FREM2: variants seen among roughly 807,000 people sequenced by gnomAD.
The protein encoded by FREM2 is FRAS1 related extracellular matrix 2.
FREM2 carries 119 observed loss-of-function variants against 219.9 expected under a neutral mutation model. The observed-to-expected ratio is 0.54, with a 90% CI of 0.47 to 0.63. FREM2 has a LOEUF of 0.63. Ranked by LOEUF, FREM2 falls within the 30% of genes least tolerant of loss-of-function variation. The pLI is 0.00. For synonymous variants in FREM2, 1,562 were observed against 1,522.8 expected (o/e 1.03, Z -0.60); for missense variants, 4,030 against 3,993.6 (o/e 1.01, Z -0.25).
chr13:38,738,565 CAAAAAAAAA>C (rs71074478), intron 2 of FREM2, among the ~76,000 whole-genome samples: 6 of 48,476 alleles, frequency 1.2e-4, no homozygotes, highest in Admixed American at 2.4e-4. Context: ...GACTCCATCT[CAAAAAAAAA>C]AAAAAAAAAA....
At chr13:38,754,891 TGATG>T (rs1566129685) in intron 2 of FREM2, among the ~76,000 whole-genome samples, 5 of 118,450 alleles carry the variant, frequency 4.2e-5, no homozygotes, top group Middle Eastern at 4.0e-3. Flanking sequence ...ATGATGATGA[TGATG>T]ATGATGATTA....
intron 4 of FREM2, among the ~76,000 whole-genome samples, chr13:38,775,003 C>G (rs571324104): frequency 1.3e-5 from 2 of 152,060 alleles, no homozygotes; most frequent in Non-Finnish European, 2.9e-5. Context: ...GGGCCCATGG[C>G]AGGTTAATGC....
chr13:38,870,623 C>T (rs1878124992), intron 16 of FREM2, among the ~76,000 whole-genome samples: 1 of 152,144 alleles, frequency 6.6e-6, no homozygotes, highest in East Asian at 1.9e-4. Flanking sequence ...ATTTAGGCTC[C>T]AGTTCCTCCA....
rs1454767239 is a variant in FREM2, at chr13:38,690,583, G to A, written c.3239G>A (p.Gly1080Asp). Reference sequence around the variant, plus strand: ...GGTGAACAGTTGATAGTAATGGAAGGTGATAAAAGTGTTATAACATCAGTG... The same window carrying A: ...GGTGAACAGTTGATAGTAATGGAAGATGATAAAAGTGTTATAACATCAGTG... ...FVGEQLIVME[G>D]DKSVITSVHI... Residue 1080 changes from glycine (G) to aspartate (D), a missense_variant, in exon 1 of 24, where the codon GGT becomes GAT. Physicochemically the swap from Gly to Asp is moderately conservative, Grantham distance 94 (BLOSUM62 -1). Around this residue, in one of 2 missense-constraint regions of FREM2, gnomAD observed 3,102 missense variants for 2,950.7 expected, o/e 1.05. Coordinates refer to ENST00000280481, the MANE Select transcript of FREM2 (RefSeq NM_207361.6). 3 of 1,614,092 alleles carry A rather than the reference G, an allele frequency of 1.9e-6. No individual in the cohort carries two copies. The highest frequency in any genetic ancestry group is 2.5e-6 in the Non-Finnish European group (3 of 1,180,038).
intron 2 of FREM2, among the ~76,000 whole-genome samples, chr13:38,741,859 A>G (rs1478807370): frequency 2.6e-5 from 4 of 152,192 alleles, no homozygotes; most frequent in South Asian, 2.1e-4. Flanking sequence ...GTGTAAATCT[A>G]TGGCTTAAGT....
chr13:38,858,172 T>C, intron 13 of FREM2, 139 bp downstream of exon 13: 1 of 752,916 alleles, frequency 1.3e-6, no homozygotes. Context: ...GCTTTGCATA[T>C]ATAACACTAA....
chr13:38,840,084 A>G (rs1235841206), intron 6 of FREM2, among the ~76,000 whole-genome samples: 2 of 152,154 alleles, frequency 1.3e-5, no homozygotes, highest in Non-Finnish European at 2.9e-5. Context: ...CCCTGGTGGT[A>G]TAGGCACCCG....
In FREM2 at chr13:38,864,376, G is replaced by T; in HGVS notation, c.7753G>T (p.Asp2585Tyr). Reference protein sequence around the residue: ...VGNHKCSNLLDYTEVKTHYGF... With the variant: ...VGNHKCSNLLYYTEVKTHYGF... ...AAACCACAAGTGCTCCAACCTCCTG[G>T]ATTATACTGAAGTGAAGACTCATTA... Residue 2585 changes from aspartate (D) to tyrosine (Y), a missense_variant, in exon 16 of 24, where the codon GAT (aspartate) becomes TAT (tyrosine). This residue lies in a region of FREM2 where 928 missense variants were observed against 1,042.9 expected (regional missense o/e 0.89). Coordinates refer to ENST00000280481, the MANE Select transcript of FREM2 (RefSeq NM_207361.6). 6.2e-7 allele frequency: 1 copy of T among 1,614,138 alleles called. No individual in the cohort carries two copies. Among genetic ancestry groups the T allele is most frequent in the South Asian group, 1.1e-5 (1 of 91,088 alleles).
At chr13:38,823,718 G>A (rs538008982) in intron 6 of FREM2, among the ~76,000 whole-genome samples, 3 of 152,132 alleles carry the variant, frequency 2.0e-5, no homozygotes, top group Admixed American at 1.3e-4. Flanking sequence ...CACTTTCCAT[G>A]TGCAGGTAAA....
intron 4 of FREM2, among the ~76,000 whole-genome samples, chr13:38,774,337 C>T (rs185785409): frequency 1.2e-3 from 190 of 152,302 alleles, no homozygotes; most frequent in Admixed American, 2.5e-3. Flanking sequence ...GCTTATTAAA[C>T]ATCTACTCTA....
intron 6 of FREM2, among the ~76,000 whole-genome samples, chr13:38,815,711 C>T (rs997831475): frequency 6.6e-6 from 1 of 152,198 alleles, no homozygotes; most frequent in Non-Finnish European, 1.5e-5. Context: ...ATGAGGGACT[C>T]AGGCTGCTTT....
chr13:38,817,706 T>C (rs1243376917), intron 6 of FREM2, among the ~76,000 whole-genome samples: 1 of 152,046 alleles, frequency 6.6e-6, no homozygotes, highest in Non-Finnish European at 1.5e-5. Flanking sequence ...AATAGGCATA[T>C]AGGATTATAT....
At chr13:38,775,092 T>C (rs1873817225) in intron 4 of FREM2, among the ~76,000 whole-genome samples, 1 of 152,208 alleles carries the variant, frequency 6.6e-6, no homozygotes, top group South Asian at 2.1e-4. Context: ...AAACCTAATA[T>C]TAATGAGTAC....
In FREM2 at chr13:38,715,927, A is replaced by G. The variant is rs143097369; in HGVS notation, c.5263+18140A>G. ...AATGAAAATTTGTCATAAATCATAA[A>G]GTGCTACATGACTATAAGTTATTTC... On this transcript the variant is annotated intron_variant, in intron 2 of 23. Transcript: ENST00000280481. Among the ~76,000 whole-genome samples, 572 of 152,294 alleles carry G rather than the reference A, an allele frequency of 3.8e-3. 2 individuals carry two copies. The highest frequency in any genetic ancestry group is 0.013 in the African/African-American group (551 of 41,562).
intron 2 of FREM2, among the ~76,000 whole-genome samples, chr13:38,757,213 A>T (rs1209874236): frequency 6.6e-6 from 1 of 152,182 alleles, no homozygotes; most frequent in Non-Finnish European, 1.5e-5. Context: ...TATACCTGGG[A>T]TGGGTATATA....
chr13:38,804,792 G>T (rs111918525), intron 6 of FREM2, among the ~76,000 whole-genome samples: 1,740 of 152,176 alleles, frequency 0.011, 16 homozygotes, highest in Middle Eastern at 0.054. Context: ...AGGCTTTTGG[G>T]CACAGTGAGC....
At chr13:38,807,713 T>A (rs1875305373) in intron 6 of FREM2, among the ~76,000 whole-genome samples, 1 of 151,946 alleles carries the variant, frequency 6.6e-6, no homozygotes, top group African/African-American at 2.4e-5. Context: ...ATGGTCAGCT[T>A]AAAATATTCA....
At position 38,690,812 on chromosome 13, in the gene FREM2, G is replaced by T. The variant is rs1869805284; in HGVS notation, c.3468G>T (p.Val1156=). 6.2e-7 allele frequency: 1 copy of T among 1,614,040 alleles called. No homozygotes were observed. Among genetic ancestry groups the T allele is most frequent in the African/African-American group, 1.3e-5 (1 of 74,926 alleles). The change falls in exon 1 of 24, where the codon GTG becomes GTT. Residue 1156 remains valine (V), a synonymous_variant. Transcript: ENST00000280481. ...INYVQSVHKG[V]EPVEDRFVFR... ...ATGTCCAGAGTGTCCATAAAGGGGT[G>T]GAACCTGTGGAGGACCGATTTGTAT...
intron 4 of FREM2, among the ~76,000 whole-genome samples, chr13:38,771,684 T>G (rs1873666574): frequency 6.6e-6 from 1 of 152,188 alleles, no homozygotes; most frequent in African/African-American, 2.4e-5. Context: ...TAGATAAAAT[T>G]CAGCCCTGTT....
Sources: allele counts gnomAD v4.1 joint callset (sites outside exome capture counted in the v4.1 genomes callset), GRCh38; gene constraint gnomAD v4.1.1; regional missense constraint gnomAD v4.1.1; transcripts MANE v1.5; gene names NCBI Gene and HGNC (gene_info 2026-07-23, HGNC 2026-07-21).